CCNY: variants seen among roughly 807,000 people sequenced by gnomAD.
The protein encoded by CCNY is cyclin Y.
Under a neutral mutation model 42.8 loss-of-function variants are expected in CCNY, and 19 were observed. That is an observed-to-expected ratio of 0.44 (90% CI 0.31 to 0.65). CCNY has a LOEUF of 0.65. Ranked by LOEUF, CCNY falls within the 30% of genes least tolerant of loss-of-function variation. The pLI, the probability that CCNY is intolerant of heterozygous loss-of-function variation, is 0.07. For synonymous variants in CCNY, 165 were observed against 162.7 expected (o/e 1.01, Z -0.11); for missense variants, 370 against 437.3 (o/e 0.85, Z 1.37).
rs539886135 is a variant in CCNY, at chr10:35,411,199, G to T, written c.155-72205G>T. On this transcript the variant is annotated intron_variant, in intron 1 of 9. Transcript: ENST00000374704. Reference sequence around the variant, plus strand: ...TAATGTTGAATGGTTGAGGGTTTAAGTGATCTTGGTATGTTAGATTTAGCA... The same window carrying T: ...TAATGTTGAATGGTTGAGGGTTTAATTGATCTTGGTATGTTAGATTTAGCA... 2.0e-5 allele frequency among the ~76,000 whole-genome samples: 3 copies of T among 152,266 alleles called. No individual in the cohort carries two copies. The South Asian group carries it at 6.2e-4, about 32-fold the overall frequency.
chr10:35,319,874 C>T (rs1222876092), intron 3 of CCNY, among the ~76,000 whole-genome samples: 4 of 151,974 alleles, frequency 2.6e-5, no homozygotes, highest in African/African-American at 7.3e-5. Context: ...TGCTTGAACC[C>T]GGGAGGCAAA....
intron 1 of CCNY, among the ~76,000 whole-genome samples, chr10:35,478,704 A>G (rs1839581154): frequency 6.6e-6 from 1 of 152,242 alleles, no homozygotes. Flanking sequence ...AAACCTAGGC[A>G]ATACCATTCA....
intron 1 of CCNY, among the ~76,000 whole-genome samples, chr10:35,460,887 G>T (rs1839143757): frequency 6.6e-6 from 1 of 152,198 alleles, no homozygotes; most frequent in Non-Finnish European, 1.5e-5. Context: ...ACTGTACTGT[G>T]TCTAAGATGA....
chr10:35,529,023 T>C (rs1195621302), intron 5 of CCNY, among the ~76,000 whole-genome samples: 1 of 152,206 alleles, frequency 6.6e-6, no homozygotes, highest in African/African-American at 2.4e-5. Flanking sequence ...CAGATGAAAG[T>C]AGAGCTGTCA....
chr10:35,401,322 GCTGT>G (rs1480956710), intron 1 of CCNY, among the ~76,000 whole-genome samples: 1 of 152,186 alleles, frequency 6.6e-6, no homozygotes, highest in Admixed American at 6.5e-5. Context: ...TTGTGATAGT[GCTGT>G]CTGTCTGTCT....
At chr10:35,309,698 G>C (rs1182163298) in intron 3 of CCNY, among the ~76,000 whole-genome samples, 1 of 152,160 alleles carries the variant, frequency 6.6e-6, no homozygotes, top group Admixed American at 6.5e-5. Context: ...TGAGATTGCA[G>C]GCATGAGCCA....
rs190098657 is a variant in CCNY, at chr10:35,267,407, C to T, written c.-9+16781C>T. Among the ~76,000 whole-genome samples, 241 of 152,250 alleles carry T rather than the reference C, an allele frequency of 1.6e-3. 1 individual carries two copies. The highest frequency in any genetic ancestry group is 2.2e-3 in the Non-Finnish European group (153 of 68,042). On this transcript the variant is annotated intron_variant, in intron 3 of 11. Coordinates refer to the CCNY transcript ENST00000374706. ...GCCTCTTTCTTCTCCAATTCTCCTTCCTGTTGACATGCTCAAACACTCTGG... is the reference window on the plus strand; with the variant it reads ...GCCTCTTTCTTCTCCAATTCTCCTTTCTGTTGACATGCTCAAACACTCTGG...
intron 1 of CCNY, among the ~76,000 whole-genome samples, chr10:35,370,520 G>A: frequency 6.6e-6 from 1 of 151,798 alleles, no homozygotes; most frequent in East Asian, 1.9e-4. Context: ...TAAGTATGAA[G>A]CCTAAATTGA....
intron 3 of CCNY, among the ~76,000 whole-genome samples, chr10:35,257,243 T>C (rs1319349550): frequency 9.6e-6 from 1 of 104,532 alleles, no homozygotes; most frequent in East Asian, 3.2e-4. Flanking sequence ...TTCCTTCCTC[T>C]TTCTTTCTCT....
At chr10:35,338,379 CACA>C (rs1249105212) in intron 1 of CCNY, among the ~76,000 whole-genome samples, 1 of 152,194 alleles carries the variant, frequency 6.6e-6, no homozygotes, top group African/African-American at 2.4e-5. Context: ...AAGGGAGTAA[CACA>C]ACGTCTGGTT....
intron 1 of CCNY, among the ~76,000 whole-genome samples, chr10:35,357,035 TAC>T (rs1452793751): frequency 6.6e-6 from 1 of 152,198 alleles, no homozygotes; most frequent in Non-Finnish European, 1.5e-5. Context: ...TCAGGCTCTG[TAC>T]AGATGTTCTT....
chr10:35,458,741 G>A (rs1452668745), intron 1 of CCNY, among the ~76,000 whole-genome samples: 1 of 152,212 alleles, frequency 6.6e-6, no homozygotes, highest in Non-Finnish European at 1.5e-5. Flanking sequence ...GTCCTGAATT[G>A]TGTGCACTGA....
At position 35,421,473 on chromosome 10, in the gene CCNY, C is replaced by T. The variant is rs540319703; in HGVS notation, c.155-61931C>T. Among the ~76,000 whole-genome samples, 48 of 152,200 alleles carry T rather than the reference C, an allele frequency of 3.2e-4. 1 individual carries two copies. Among genetic ancestry groups the T allele is most frequent in the African/African-American group, 1.0e-3 (43 of 41,542 alleles). On this transcript the variant is annotated intron_variant, in intron 1 of 9. Transcript: ENST00000374704. Reference sequence around the variant, plus strand: ...TCTGTTTCTGTTATTCTAGAACCCCCGACCCAGGGAACACAGAGCTTGCTG... The same window carrying T: ...TCTGTTTCTGTTATTCTAGAACCCCTGACCCAGGGAACACAGAGCTTGCTG...
At chr10:35,355,074 A>G (rs1411180562) in intron 1 of CCNY, among the ~76,000 whole-genome samples, 1 of 152,100 alleles carries the variant, frequency 6.6e-6, no homozygotes, top group Non-Finnish European at 1.5e-5. Context: ...CACTAGTGGG[A>G]TGGCTCCCCC....
At chr10:35,503,567 T>G (rs1840154671) in intron 3 of CCNY, among the ~76,000 whole-genome samples, 2 of 152,196 alleles carry the variant, frequency 1.3e-5, no homozygotes, top group African/African-American at 4.8e-5. Context: ...GTTTTGAAAC[T>G]TAGGAATAGT....
chr10:35,415,059 A>G (rs61843285), intron 1 of CCNY, among the ~76,000 whole-genome samples: 54 of 152,326 alleles, frequency 3.5e-4, no homozygotes, highest in Non-Finnish European at 7.3e-4. Context: ...AGCATGATGT[A>G]GTTTTAGGGG....
At chr10:35,340,432 G>A (rs1387505779) in intron 1 of CCNY, among the ~76,000 whole-genome samples, 1 of 152,042 alleles carries the variant, frequency 6.6e-6, no homozygotes, top group African/African-American at 2.4e-5. Context: ...AAATAAATCA[G>A]GATACTTGTA....
At chr10:35,479,644 A>G (rs1589148626) in intron 1 of CCNY, among the ~76,000 whole-genome samples, 1 of 149,406 alleles carries the variant, frequency 6.7e-6, no homozygotes, top group East Asian at 2.0e-4. Context: ...GCATTGGGAG[A>G]TATACCTAAT....
At chr10:35,373,805 A>C (rs990101865) in intron 1 of CCNY, among the ~76,000 whole-genome samples, 15 of 150,396 alleles carry the variant, frequency 1.0e-4, no homozygotes, top group African/African-American at 3.6e-4. Flanking sequence ...TAAGGGTTGC[A>C]GTCAACAGGA....
Sources: gnomAD v4.1 joint callset for allele counts (sites outside exome capture counted in the v4.1 genomes callset) on GRCh38, gnomAD v4.1.1 for gene constraint, MANE v1.5 for transcripts, NCBI Gene and HGNC (gene_info 2026-07-23, HGNC 2026-07-21) for gene names.